The following MCUR1 variants were observed in gnomAD, a reference collection of about 807,000 sequenced individuals.
The protein encoded by MCUR1 is MCU regulator 1.
In MCUR1, 37 loss-of-function variants were observed where a neutral mutation model predicts 42.0. The ratio of observed to expected loss-of-function variants is 0.88; its 90% CI spans 0.68 to 1.16. MCUR1 has a LOEUF of 1.16. MCUR1 is among the 50% of genes most tolerant of loss of function. The pLI is 0.00. For synonymous variants in MCUR1, 229 were observed against 196.2 expected (o/e 1.17, Z -1.40); for missense variants, 469 against 468.4 (o/e 1.00, Z -0.01).
At position 13,797,536 on chromosome 6, in the gene MCUR1, G is replaced by A. The variant is rs535579024; in HGVS notation, c.855+1297C>T. ...ATCCTGGCTAACACGGTGAAACCCC[G>A]TCTCTACTAAAAATACAAAAAATTA... On this transcript the variant is annotated intron_variant, in intron 6 of 8. Transcript: ENST00000379170. 9.2e-5 allele frequency among the ~76,000 whole-genome samples: 14 copies of A among 151,684 alleles called. No individual in the cohort carries two copies. The South Asian group carries it at 2.7e-3, about 29-fold the overall frequency.
In MCUR1 at chr6:13,801,341, C is replaced by T. The variant is rs372541722; in HGVS notation, c.688G>A (p.Asp230Asn). ...VMSQIANVKK[D>N]MIILEKSEFS... ...TCACTCTTCTCCAAAATAATCATAT[C>T]CTTTTTCACATTCGCAATCTGAGAC... Residue 230 changes from aspartate to asparagine, a missense_variant, in exon 4 of 9, where the codon GAT (aspartate) becomes AAT (asparagine). Coordinates refer to ENST00000379170, the MANE Select transcript of MCUR1 (RefSeq NM_001031713.4). 12 of 1,613,012 alleles carry T rather than the reference C, an allele frequency of 7.4e-6. No individual in the cohort carries two copies. In the East Asian group the frequency reaches 2.2e-4, roughly 30 times the overall value.
intron 6 of MCUR1, among the ~76,000 whole-genome samples, chr6:13,795,288 G>A (rs1759831528): frequency 6.6e-6 from 1 of 152,092 alleles, no homozygotes; most frequent in Non-Finnish European, 1.5e-5. Context: ...AGAGGGCGGC[G>A]TGGAACAAGA....
intron 1 of MCUR1, among the ~76,000 whole-genome samples, chr6:13,813,438 T>C (rs1054929549): frequency 4.6e-5 from 7 of 152,154 alleles, no homozygotes; most frequent in African/African-American, 1.4e-4. Flanking sequence ...CAATTATGCA[T>C]ACGTATATCC....
At chr6:13,795,268 G>T (rs955021295) in intron 6 of MCUR1, among the ~76,000 whole-genome samples, 4 of 152,106 alleles carry the variant, frequency 2.6e-5, no homozygotes, top group African/African-American at 9.7e-5. Flanking sequence ...CGATGCATCA[G>T]ATCACCACTA....
intron 8 of MCUR1, among the ~76,000 whole-genome samples, chr6:13,791,278 G>GCAAA (rs1404333202): frequency 3.3e-5 from 5 of 152,160 alleles, no homozygotes; most frequent in African/African-American, 1.2e-4. Flanking sequence ...GTTTCGAATA[G>GCAAA]CAAAAATTCT....
rs1270647194 is a variant in MCUR1 at position 13,814,332 on chromosome 6, C to T, written c.98G>A (p.Gly33Asp). ...LPVGLSGRPG[G>D]SETSARRCLS... is the part of the protein sequence containing the mutation. ...GCAGCGGCGTGCTGAGGTTTCGCTG[C>T]CGCCCGGTCTTCCGCTGAGGCCCAC... The change falls in exon 1 of 9, where the codon GGC becomes GAC. Residue 33 changes from glycine (G) to aspartate (D), a missense_variant. Physicochemically the swap from Gly to Asp is moderately conservative, Grantham distance 94. Coordinates refer to ENST00000379170, the MANE Select transcript of MCUR1 (RefSeq NM_001031713.4). 2.0e-6 allele frequency: 3 copies of T among 1,509,250 alleles called. No individual in the cohort carries two copies. Among genetic ancestry groups the T allele is most frequent in the Non-Finnish European group, 2.6e-6 (3 of 1,135,680 alleles). The allele number at this position is 1,509,250 out of a possible 1,614,324, so 93.5% of individuals were successfully genotyped here. A position where few individuals can be genotyped will look rare whatever the true frequency, so the allele number is the denominator to read the frequency against.
Position 13,814,434 on chromosome 6 carries a change from G to A in MCUR1, c.-5C>T, listed in dbSNP as rs746181513. 23 of 1,523,912 alleles carry A rather than the reference G, an allele frequency of 1.5e-5. No homozygotes were observed. The highest frequency in any genetic ancestry group is 4.6e-4 in the Middle Eastern group (2 of 4,322). 94.4% of individuals were successfully genotyped at this position (1,523,912 alleles called of 1,614,324 possible). A position where few individuals can be genotyped will look rare whatever the true frequency, so the allele number is the denominator to read the frequency against. Reference sequence around the variant, plus strand: ...GCCGACCGAGCCGCAGTCCATCCCCGAGCAGTTCACTGGCCCGGGCGCGCG... The same window carrying A: ...GCCGACCGAGCCGCAGTCCATCCCCAAGCAGTTCACTGGCCCGGGCGCGCG... On this transcript the variant is annotated 5_prime_UTR_variant, in exon 1 of 9. Coordinates refer to ENST00000379170, the MANE Select transcript of MCUR1 (RefSeq NM_001031713.4).
intron 7 of MCUR1, among the ~76,000 whole-genome samples, 173 bp downstream of exon 7, chr6:13,793,721 T>G (rs1327069538): frequency 6.6e-6 from 1 of 152,214 alleles, no homozygotes; most frequent in Non-Finnish European, 1.5e-5. Flanking sequence ...ACTGTACACT[T>G]AAAAAATGGT....
intron 2 of MCUR1, among the ~76,000 whole-genome samples, chr6:13,804,875 G>C (rs1197726908): frequency 6.6e-6 from 1 of 151,734 alleles, no homozygotes; most frequent in African/African-American, 2.4e-5. Context: ...AGACACGAGG[G>C]AATAGGACAG....
At chr6:13,793,694 T>C (rs780613281) in intron 7 of MCUR1, among the ~76,000 whole-genome samples, 200 bp downstream of exon 7, 5 of 152,258 alleles carry the variant, frequency 3.3e-5, no homozygotes, top group Non-Finnish European at 7.3e-5. Flanking sequence ...AATGTGAATG[T>C]ACTTTAAATG....
At chr6:13,792,169 A>T (rs537752932) in intron 7 of MCUR1, among the ~76,000 whole-genome samples, 177 bp from the exon 8 acceptor site, 23 of 152,218 alleles carry the variant, frequency 1.5e-4, no homozygotes, top group Non-Finnish European at 2.8e-4. Context: ...CAGGACCCTT[A>T]ACCTCTCTAG....
intron 7 of MCUR1, 77 bp from the exon 8 acceptor site, chr6:13,792,069 C>G (rs758030121): frequency 9.2e-7 from 1 of 1,090,048 alleles, no homozygotes; most frequent in Non-Finnish European, 1.4e-6. Flanking sequence ...TCCTTCCCAA[C>G]GGGGTGCAGT....
chr6:13,790,544 G>A lies in MCUR1; in HGVS notation c.*265C>T, dbSNP rs1759707043. 4.7e-6 allele frequency: 1 copy of A among 214,434 alleles called. No individual in the cohort carries two copies. The highest frequency in any genetic ancestry group is 1.8e-3 in the Middle Eastern group (1 of 562). The allele number at this position is 214,434 out of a possible 1,614,324, so 13.3% of individuals were successfully genotyped here. ...GTGACGTGATCTCGGCTCACTACAAGCTCCGCCTCCCAGGTTCACACCTTA... is the reference window on the plus strand; with the variant it reads ...GTGACGTGATCTCGGCTCACTACAAACTCCGCCTCCCAGGTTCACACCTTA... On this transcript the variant is annotated 3_prime_UTR_variant, in exon 9 of 9. Coordinates refer to ENST00000379170, the MANE Select transcript of MCUR1 (RefSeq NM_001031713.4).
chr6:13,802,341 C>G lies in MCUR1; in HGVS notation c.541G>C (p.Ala181Pro). ...LVCLLEDNGF[A>P]TQQAEIIVSA... ...ACAATGATTTCTGCTTGTTGAGTAG[C>G]AAACCCTAAGCAAGCACACAAGCAA... Residue 181 changes from alanine (A) to proline (P), a missense_variant, in exon 3 of 9, where the codon GCT becomes CCT. Transcript: ENST00000379170. The G allele has an allele frequency of 6.2e-7, 1 of 1,612,874 alleles. No individual in the cohort carries two copies. Among genetic ancestry groups the G allele is most frequent in the East Asian group, 2.2e-5 (1 of 44,846 alleles).
At chr6:13,796,590 T>C (rs1298335659) in intron 6 of MCUR1, among the ~76,000 whole-genome samples, 1 of 152,134 alleles carries the variant, frequency 6.6e-6, no homozygotes, top group Non-Finnish European at 1.5e-5. Flanking sequence ...CCGGCAGAAA[T>C]TTTTTCATTT....
intron 6 of MCUR1, among the ~76,000 whole-genome samples, chr6:13,794,582 T>C (rs1759811647): frequency 6.6e-6 from 1 of 151,956 alleles, no homozygotes; most frequent in South Asian, 2.1e-4. Flanking sequence ...AGACATTGTG[T>C]TGTGATTATA....
rs1304520248 is a variant in MCUR1, at chr6:13,787,027, T to C, written c.*3782A>G. 3.9e-5 allele frequency: 6 copies of C among 152,224 alleles called. No homozygotes were observed. The highest frequency in any genetic ancestry group is 8.8e-5 in the Non-Finnish European group (6 of 68,044). The allele number at this position is 152,224 out of a possible 1,614,324, so 9.4% of individuals were successfully genotyped here. On this transcript the variant is annotated 3_prime_UTR_variant, in exon 9 of 9. Coordinates refer to ENST00000379170, the MANE Select transcript of MCUR1 (RefSeq NM_001031713.4). ...CATTAAAATCAAAGTTTTCTAGATA[T>C]GAATTCTATATACCATCTCTATATT...
In MCUR1 at chr6:13,798,794, T is replaced by C. The variant is rs151200565; in HGVS notation, c.855+39A>G. 105 of 1,521,766 alleles carry C rather than the reference T, an allele frequency of 6.9e-5. No individual in the cohort carries two copies. In the East Asian group the frequency reaches 1.9e-3, roughly 27 times the overall value. The allele number at this position is 1,521,766 out of a possible 1,614,324, so 94.3% of individuals were successfully genotyped here. ...TTAACCAAGCATTCCATTCCAAAAA[T>C]AAATTAATTCATAATGTGTTTTTAG... is the stretch of plus-strand genomic sequence containing the variant. On this transcript the variant is annotated intron_variant, in intron 6 of 8. Coordinates refer to ENST00000379170, the MANE Select transcript of MCUR1 (RefSeq NM_001031713.4).
chr6:13,810,823 T>C (rs151165732), intron 1 of MCUR1, among the ~76,000 whole-genome samples: 2 of 152,284 alleles, frequency 1.3e-5, no homozygotes, highest in African/African-American at 2.4e-5. Context: ...TGCAATGACT[T>C]ATGTGTGTTT....
Sources: allele counts gnomAD v4.1 joint callset (sites outside exome capture counted in the v4.1 genomes callset), GRCh38; gene constraint gnomAD v4.1.1; transcripts MANE v1.5; gene names NCBI Gene and HGNC (gene_info 2026-07-23, HGNC 2026-07-21).